TMPRSS3: variants seen among roughly 807,000 people sequenced by gnomAD.
TMPRSS3 encodes the protein transmembrane serine protease 3, also known as transmembrane protease serine 3.
TMPRSS3 carries 55 observed loss-of-function variants against 59.6 expected under a neutral mutation model. That is an observed-to-expected ratio of 0.92 (90% CI 0.74 to 1.16). The LOEUF (loss-of-function observed/expected upper bound fraction) is 1.16. Among genes scored for constraint, TMPRSS3 ranks in the 50% most tolerant of loss-of-function variants. The pLI, the probability that TMPRSS3 is intolerant of heterozygous loss-of-function variation, is 0.00. For missense variants in TMPRSS3, 596 were observed against 579.4 expected, an observed-to-expected ratio of 1.03 and a Z score of -0.29; for synonymous variants, 257 against 237.7, an observed-to-expected ratio of 1.08 and a Z score of -0.75.
At chr21:42,378,995 C>T (rs1055514353) in intron 10 of TMPRSS3, among the ~76,000 whole-genome samples, 1 of 152,224 alleles carries the variant, frequency 6.6e-6, no homozygotes, top group African/African-American at 2.4e-5. Context: ...AGTGATTCTA[C>T]AGCCTCAGTC....
rs781063590 is a variant in TMPRSS3, at chr21:42,382,150, C to A, written c.867G>T (p.Lys289Asn). The A allele has an allele frequency of 3.7e-6, 6 of 1,614,088 alleles. No homozygotes were observed. Among genetic ancestry groups the A allele is most frequent in the African/African-American group, 2.7e-5 (2 of 74,940 alleles). ...GCTTGTACTTGCTGTGGTAGACAAT[C>A]TTCTCCACCAAGTGGGATGGGGCTG... ...DNPAPSHLVE[K>N]IVYHSKYKPK... Residue 289 changes from lysine (K) to asparagine (N), a missense_variant, in exon 9 of 13, where the codon AAG becomes AAT. Physicochemically the swap from Lys to Asn is moderately conservative, Grantham distance 94 (BLOSUM62 0). Coordinates refer to ENST00000644384, the MANE Select transcript of TMPRSS3 (RefSeq NM_001256317.3).
At chr21:42,380,281 GC>G in intron 9 of TMPRSS3, 69 bp from the exon 10 acceptor site, 2 of 1,336,316 alleles carry the variant, frequency 1.5e-6, no homozygotes, top group Non-Finnish European at 2.1e-6. Flanking sequence ...TCTCATCTAT[GC>G]TTCTGCCTCT....
intron 2 of TMPRSS3, 116 bp from the exon 3 acceptor site, chr21:42,390,153 A>C: frequency 1.2e-6 from 1 of 845,670 alleles, no homozygotes; most frequent in Non-Finnish European, 2.0e-6. Context: ...GTCTCAGCCC[A>C]AAGAAAGGTG....
In TMPRSS3 at chr21:42,375,742, G is replaced by T. The variant is rs2052414301; in HGVS notation, c.1318C>A (p.Leu440Met). Residue 440 changes from leucine (L) to methionine (M), a missense_variant, in exon 12 of 13, where the codon CTG (leucine) becomes ATG (methionine). Leu to Met is a conservative substitution (Grantham distance 15). Transcript: ENST00000644384. ...PGVYTRVTSFLDWIHEQMERD... is the reference protein window; with the variant it reads ...PGVYTRVTSFMDWIHEQMERD... ...TCCATCTGCTCGTGGATCCAGTCCA[G>T]GAAGGAGGTGACACGGGTGTACACC... 2 of 1,613,798 alleles carry T rather than the reference G, an allele frequency of 1.2e-6. No homozygotes were observed. Among genetic ancestry groups the T allele is most frequent in the Non-Finnish European group, 1.7e-6 (2 of 1,180,020 alleles).
In TMPRSS3 at chr21:42,382,524, T is replaced by C. The variant is rs2839499; in HGVS notation, c.783-290A>G. 0.15 allele frequency: 71,568 copies of C among 474,616 alleles called. 6,847 individuals carry two copies. The highest frequency in any genetic ancestry group is 0.31 in the East Asian group (7,823 of 25,220). The allele number at this position is 474,616 out of a possible 1,614,324, so 29.4% of individuals were successfully genotyped here. A position where few individuals can be genotyped will look rare whatever the true frequency, so the allele number is the denominator to read the frequency against. ...TCACTGCAAGGAGTCTATCAGGCAC[T>C]ACTGTTCATCAAACAGCAACAAAAT... On this transcript the variant is annotated intron_variant, in intron 8 of 12. Transcript: ENST00000644384.
chr21:42,374,181 G>A (rs559193385), intron 12 of TMPRSS3, among the ~76,000 whole-genome samples: 89 of 152,324 alleles, frequency 5.8e-4, no homozygotes, highest in African/African-American at 2.1e-3. Context: ...GGGCTGGGCT[G>A]AGCTTTATAC....
intron 1 of TMPRSS3, 67 bp from the exon 2 acceptor site, chr21:42,395,535 G>T (rs1315023452): frequency 1.1e-6 from 1 of 893,170 alleles, no homozygotes; most frequent in Non-Finnish European, 1.8e-6. Flanking sequence ...GTGCATCTTG[G>T]TCATACGGTA....
chr21:42,385,038 TCC>T, intron 6 of TMPRSS3, among the ~76,000 whole-genome samples: 1 of 133,222 alleles, frequency 7.5e-6, no homozygotes, highest in East Asian at 2.1e-4. Flanking sequence ...CCTCTCTTCC[TCC>T]CTCCCTCCCT....
intron 2 of TMPRSS3, among the ~76,000 whole-genome samples, chr21:42,393,107 G>C (rs1462946576): frequency 1.3e-5 from 2 of 152,212 alleles, no homozygotes; most frequent in Non-Finnish European, 2.9e-5. Context: ...AGCTGGGTGT[G>C]GGGGCATGTG....
chr21:42,377,747 T>G (rs1315239090), intron 10 of TMPRSS3, among the ~76,000 whole-genome samples: 1 of 152,160 alleles, frequency 6.6e-6, no homozygotes. Flanking sequence ...GGGGCTGCTC[T>G]GAGGAGCACA....
At chr21:42,380,968 C>A (rs2052518424) in intron 9 of TMPRSS3, among the ~76,000 whole-genome samples, 1 of 152,248 alleles carries the variant, frequency 6.6e-6, no homozygotes, top group South Asian at 2.1e-4. Context: ...AGTTGGCAGA[C>A]TGGCACCACC....
At chr21:42,376,799 G>T (rs1395678396) in intron 10 of TMPRSS3, 116 bp from the exon 11 acceptor site, 7 of 1,507,742 alleles carry the variant, frequency 4.6e-6, no homozygotes, top group Non-Finnish European at 6.4e-6. Context: ...ATGCTCTCTG[G>T]TGTGTCGCAA....
chr21:42,395,776 C>G, intron 1 of TMPRSS3, 166 bp downstream of exon 1: 1 of 398,464 alleles, frequency 2.5e-6, no homozygotes, highest in South Asian at 2.0e-5. Flanking sequence ...GGGACTCCCT[C>G]TCACCATTTA....
At position 42,389,128 on chromosome 21, in the gene TMPRSS3, C is replaced by T. The variant is rs190584242; in HGVS notation, c.206-83G>A. 459 of 1,593,614 alleles carry T rather than the reference C, an allele frequency of 2.9e-4. 1 individual carries two copies. The highest frequency in any genetic ancestry group is 2.4e-4 in the Non-Finnish European group (277 of 1,171,870). Reference sequence around the variant, plus strand: ...ACAACTGTCCCCCTGCCACACAGTGCGGAGCTGGCCCGTGAATAATGAAAC... The same window carrying T: ...ACAACTGTCCCCCTGCCACACAGTGTGGAGCTGGCCCGTGAATAATGAAAC... On this transcript the variant is annotated intron_variant, in intron 3 of 12. Coordinates refer to ENST00000644384, the MANE Select transcript of TMPRSS3 (RefSeq NM_001256317.3).
chr21:42,375,742 G>A lies in TMPRSS3; in HGVS notation c.1318C>T (p.Leu440=). 1.2e-6 allele frequency: 2 copies of A among 1,613,798 alleles called. No individual in the cohort carries two copies. Among genetic ancestry groups the A allele is most frequent in the Non-Finnish European group, 1.7e-6 (2 of 1,180,020 alleles). The part of the protein sequence containing the change: ...PGVYTRVTSF[L]DWIHEQMERD... ...TCCATCTGCTCGTGGATCCAGTCCA[G>A]GAAGGAGGTGACACGGGTGTACACC... is the stretch of plus-strand genomic sequence containing the variant. The change falls in exon 12 of 13, where the codon CTG becomes TTG. Residue 440 remains leucine, a synonymous_variant. Coordinates refer to ENST00000644384, the MANE Select transcript of TMPRSS3 (RefSeq NM_001256317.3).
rs564124431 is a variant in TMPRSS3 at position 42,377,782 on chromosome 21, C to G, written c.1049-1099G>C. Among the ~76,000 whole-genome samples the G allele has an allele frequency of 9.7e-4, 148 of 152,340 alleles. 1 individual carries two copies. The highest frequency in any genetic ancestry group is 3.1e-3 in the African/African-American group (129 of 41,578). On this transcript the variant is annotated intron_variant, in intron 10 of 12. Transcript: ENST00000644384. ...ATGGTATCACAAGACACTCAGCTTC[C>G]TGCCCGGAACGTGGCGAAACAGCTC...
chr21:42,388,885 T>G lies in TMPRSS3; in HGVS notation c.322+44A>C, dbSNP rs763120406. 3.2e-6 allele frequency: 5 copies of G among 1,561,042 alleles called. No individual in the cohort carries two copies. In the East Asian group the frequency reaches 1.1e-4, roughly 35 times the overall value. On this transcript the variant is annotated intron_variant, in intron 4 of 12. Transcript: ENST00000644384. This position sits in a 1 kb window ranked among gnomAD's most constrained non-coding sequence, Gnocchi z 5.1. ...GATGGGAAGGGTCAGGGTTGGCTTC[T>G]GCTGCTTCCTTCTGTTTCCCCAGGG... is the stretch of plus-strand genomic sequence containing the variant.
chr21:42,374,665 T>A (rs2052390482), intron 12 of TMPRSS3, among the ~76,000 whole-genome samples: 1 of 152,082 alleles, frequency 6.6e-6, no homozygotes, highest in Non-Finnish European at 1.5e-5. Flanking sequence ...ACAAAGGTGG[T>A]GTCTGCACAG....
chr21:42,388,192 C>T lies in TMPRSS3; in HGVS notation c.446+211G>A, dbSNP rs535125759. Among the ~76,000 whole-genome samples, 2 of 152,356 alleles carry T rather than the reference C, an allele frequency of 1.3e-5. No homozygotes were observed. The highest frequency in any genetic ancestry group is 4.1e-4 in the South Asian group (2 of 4,830). ...CTGGGAACCCCCAAACATGCCACTT[C>T]CCATGTGCCTTGAGCAAGTCACTTA... On this transcript the variant is annotated intron_variant, in intron 5 of 12. Coordinates refer to ENST00000644384, the MANE Select transcript of TMPRSS3 (RefSeq NM_001256317.3). This position sits in a 1 kb window ranked among gnomAD's most constrained non-coding sequence, Gnocchi z 5.1.
Sources: gnomAD v4.1 joint callset for allele counts (sites outside exome capture counted in the v4.1 genomes callset) on GRCh38, gnomAD v4.1.1 for gene constraint, Gnocchi (gnomAD v3.1) non-coding constraint, MANE v1.5 for transcripts, NCBI Gene and HGNC (gene_info 2026-07-23, HGNC 2026-07-21) for gene names.